The following NR1D2 variants were observed in gnomAD, a reference collection of about 807,000 sequenced individuals.
The protein encoded by NR1D2 is V-erbA-related protein 1-related.
Under a neutral mutation model 52.2 loss-of-function variants are expected in NR1D2, and 25 were observed. The ratio of observed to expected loss-of-function variants is 0.48; its 90% CI spans 0.35 to 0.67. The LOEUF (loss-of-function observed/expected upper bound fraction) is 0.67. NR1D2 is among the 30% of genes least tolerant of loss of function. The probability of loss-of-function intolerance (pLI) is 0.01; values close to 1 mark genes in which losing one functional copy is unlikely to be tolerated. For missense variants in NR1D2, 681 were observed against 707.2 expected, an observed-to-expected ratio of 0.96 and a Z score of 0.42; for synonymous variants, 259 against 230.1, an observed-to-expected ratio of 1.13 and a Z score of -1.14.
chr3:23,966,796 G>A (rs903851119), intron 6 of NR1D2, among the ~76,000 whole-genome samples: 1 of 152,158 alleles, frequency 6.6e-6, no homozygotes, highest in African/African-American at 2.4e-5. Context: ...TTGGGAGGCC[G>A]AGGCAGGCCG....
rs1355946007 is a variant in NR1D2 at position 23,978,626 on chromosome 3, T to C, written c.*1207T>C. ...TGCCCCTTATACACATGCTGCAGCT[T>C]GATGTTAAAGAATTTTTATTCTTTC... On this transcript the variant is annotated 3_prime_UTR_variant, in exon 8 of 8. Coordinates refer to ENST00000312521, the MANE Select transcript of NR1D2 (RefSeq NM_005126.5). 1 of 152,150 alleles carries C rather than the reference T, an allele frequency of 6.6e-6. No homozygotes were observed. The highest frequency in any genetic ancestry group is 6.5e-5 in the Admixed American group (1 of 15,272). The allele number at this position is 152,150 out of a possible 1,614,324, so 9.4% of individuals were successfully genotyped here. A position where few individuals can be genotyped will look rare whatever the true frequency, so the allele number is the denominator to read the frequency against.
chr3:23,963,298 CCTTTGATAGTG>C (rs1334156503), intron 5 of NR1D2: 1 of 1,349,538 alleles, frequency 7.4e-7, no homozygotes, highest in Non-Finnish European at 9.8e-7. Context: ...ACCATGAAGT[CCTTTGATAGTG>C]CTTGGTATTT....
intron 1 of NR1D2, among the ~76,000 whole-genome samples, chr3:23,947,193 AC>A (rs911596527): frequency 6.6e-6 from 1 of 151,882 alleles, no homozygotes; most frequent in African/African-American, 2.4e-5. Context: ...ACCTCTTCTA[AC>A]CCACCCTTTA....
At chr3:23,954,218 A>G (rs1334363384) in intron 1 of NR1D2, among the ~76,000 whole-genome samples, 1 of 152,156 alleles carries the variant, frequency 6.6e-6, no homozygotes, top group African/African-American at 2.4e-5. Context: ...TATGTTGCCC[A>G]GGCTGGTCTC....
At position 23,979,210 on chromosome 3, in the gene NR1D2, G is replaced by A. The variant is rs1293205062; in HGVS notation, c.*1791G>A. On this transcript the variant is annotated 3_prime_UTR_variant, in exon 8 of 8. Transcript: ENST00000312521. ...CCTCTCATTATTAAAGAGGAAAGGC[G>A]ATGGTGATGTCTGTAGTACAATATA... The A allele has an allele frequency of 1.3e-5, 2 of 152,044 alleles. No individual in the cohort carries two copies. The highest frequency in any genetic ancestry group is 4.8e-5 in the African/African-American group (2 of 41,446). The allele number at this position is 152,044 out of a possible 1,614,324, so 9.4% of individuals were successfully genotyped here.
At chr3:23,972,384 G>A (rs1487461712) in intron 7 of NR1D2, among the ~76,000 whole-genome samples, 3 of 152,162 alleles carry the variant, frequency 2.0e-5, no homozygotes, top group Admixed American at 6.5e-5. Context: ...CTGCTAAGGG[G>A]GAGAAAAATC....
intron 2 of NR1D2, 48 bp downstream of exon 2, chr3:23,954,851 G>A: frequency 6.4e-7 from 1 of 1,572,294 alleles, no homozygotes; most frequent in Non-Finnish European, 8.7e-7. Context: ...ATTGCAAATG[G>A]GGCTTATTTT....
At chr3:23,976,076 T>C (rs1706716602) in intron 7 of NR1D2, among the ~76,000 whole-genome samples, 1 of 152,248 alleles carries the variant, frequency 6.6e-6, no homozygotes, top group South Asian at 2.1e-4. Context: ...AAAAATACTC[T>C]TGCTGATGAA....
At position 23,978,390 on chromosome 3, in the gene NR1D2, A is replaced by G. The variant is rs931902624; in HGVS notation, c.*971A>G. ...GCATAACCATTGCTTTAAAATGTTT[A>G]GACAGTAGAATATTGAATTTATGCT... On this transcript the variant is annotated 3_prime_UTR_variant, in exon 8 of 8. Transcript: ENST00000312521. 1 of 152,186 alleles carries G rather than the reference A, an allele frequency of 6.6e-6. No homozygotes were observed. The highest frequency in any genetic ancestry group is 2.4e-5 in the African/African-American group (1 of 41,462). 9.4% of individuals were successfully genotyped at this position (152,186 alleles called of 1,614,324 possible). A position where few individuals can be genotyped will look rare whatever the true frequency, so the allele number is the denominator to read the frequency against.
At chr3:23,963,154 ATGACT>A in intron 5 of NR1D2, 2 of 628,272 alleles carry the variant, frequency 3.2e-6, no homozygotes, top group South Asian at 3.2e-5. Context: ...ATCTTATGAG[ATGACT>A]TAATGTTGGT....
At chr3:23,965,918 T>A (rs1454090647) in intron 6 of NR1D2, among the ~76,000 whole-genome samples, 1 of 152,212 alleles carries the variant, frequency 6.6e-6, no homozygotes, top group Non-Finnish European at 1.5e-5. Flanking sequence ...TATCAGACAT[T>A]TCTTATGTGC....
rs1226016757 is a variant in NR1D2, at chr3:23,979,915, C to T, written c.*2496C>T. On this transcript the variant is annotated 3_prime_UTR_variant, in exon 8 of 8. Coordinates refer to ENST00000312521, the MANE Select transcript of NR1D2 (RefSeq NM_005126.5). ...TAAAGTTAAAATGTGGGCATTATGT[C>T]AGCAAACTTAAGGGCATTATGTCAG... 2 of 152,070 alleles carry T rather than the reference C, an allele frequency of 1.3e-5. No individual in the cohort carries two copies. Among genetic ancestry groups the T allele is most frequent in the East Asian group, 3.8e-4 (2 of 5,202 alleles). 9.4% of individuals were successfully genotyped at this position (152,070 alleles called of 1,614,324 possible). A position where few individuals can be genotyped will look rare whatever the true frequency, so the allele number is the denominator to read the frequency against.
rs778480712 is a variant in NR1D2 at position 23,962,152 on chromosome 3, C to A, written c.693C>A (p.Pro231=). ...CCCAGGAACAGCTGCGACCCAAGCC[C>A]CAACTGGAGCAAGAAAACATCAAAA... ...LPAQEQLRPK[P]QLEQENIKSS... is the part of the protein sequence containing the mutation. The change falls in exon 5 of 8, where the codon CCC becomes CCA. Residue 231 remains proline, a synonymous_variant. Coordinates refer to ENST00000312521, the MANE Select transcript of NR1D2 (RefSeq NM_005126.5). 1.9e-6 allele frequency: 3 copies of A among 1,614,100 alleles called. No individual in the cohort carries two copies. Among genetic ancestry groups the A allele is most frequent in the South Asian group, 1.1e-5 (1 of 91,076 alleles).
intron 7 of NR1D2, among the ~76,000 whole-genome samples, chr3:23,971,376 C>T (rs1385471781): frequency 6.9e-6 from 1 of 144,026 alleles, no homozygotes; most frequent in Non-Finnish European, 1.5e-5. Flanking sequence ...TCTCAGCTCA[C>T]TGCAACCTCT....
intron 1 of NR1D2, among the ~76,000 whole-genome samples, 164 bp downstream of exon 1, chr3:23,945,758 G>A (rs1705656693): frequency 6.7e-6 from 1 of 150,252 alleles, no homozygotes; most frequent in Admixed American, 6.6e-5. Context: ...TCGCCCCCCG[G>A]GCCGCCCGGC....
At chr3:23,950,416 G>A (rs1448045841) in intron 1 of NR1D2, among the ~76,000 whole-genome samples, 1 of 152,198 alleles carries the variant, frequency 6.6e-6, no homozygotes, top group Non-Finnish European at 1.5e-5. Context: ...TTCTTGTGAG[G>A]ATGAAATTGT....
At chr3:23,960,851 A>G (rs1706217273) in intron 4 of NR1D2, among the ~76,000 whole-genome samples, 1 of 152,204 alleles carries the variant, frequency 6.6e-6, no homozygotes, top group Admixed American at 6.5e-5. Context: ...ATAATGTTAG[A>G]GGCTACAATT....
chr3:23,968,260 A>T (rs1706502859), intron 7 of NR1D2, among the ~76,000 whole-genome samples: 1 of 152,228 alleles, frequency 6.6e-6, no homozygotes, highest in Non-Finnish European at 1.5e-5. Flanking sequence ...TACCACTGTT[A>T]GTCTTTAGCT....
intron 5 of NR1D2, chr3:23,963,413 A>G (rs1171895227): frequency 1.6e-6 from 2 of 1,220,170 alleles, no homozygotes; most frequent in Non-Finnish European, 2.1e-6. Flanking sequence ...ACTTGGAGTT[A>G]TTTGATTCTG....
Sources: gnomAD v4.1 joint callset for allele counts (sites outside exome capture counted in the v4.1 genomes callset) on GRCh38, gnomAD v4.1.1 for gene constraint, MANE v1.5 for transcripts, NCBI Gene and HGNC (gene_info 2026-07-23, HGNC 2026-07-21) for gene names.